Variants in RABEP1 observed in about 807,000 individuals in gnomAD.
RABEP1 encodes the protein rabaptin, RAB GTPase binding effector protein 1.
RABEP1 carries 51 observed loss-of-function variants against 123.4 expected under a neutral mutation model. The observed-to-expected ratio is 0.41, with a 90% CI of 0.33 to 0.52. The LOEUF is 0.52. RABEP1 is among the 20% of genes least tolerant of loss of function. The probability of loss-of-function intolerance (pLI) is 0.16; values close to 1 mark genes in which losing one functional copy is unlikely to be tolerated. For missense variants in RABEP1, 888 were observed against 996.3 expected, an observed-to-expected ratio of 0.89 and a Z score of 1.46; for synonymous variants, 347 against 355.2, an observed-to-expected ratio of 0.98 and a Z score of 0.26.
chr17:5,376,798 G>C lies in RABEP1; in HGVS notation c.2026-318G>C, dbSNP rs3026100. Among the ~76,000 whole-genome samples the C allele has an allele frequency of 9.8e-3, 1,494 of 152,280 alleles. 22 individuals carry two copies. Among genetic ancestry groups the C allele is most frequent in the African/African-American group, 0.034 (1,411 of 41,532 alleles). On this transcript the variant is annotated intron_variant, in intron 13 of 17. Transcript: ENST00000537505. ...TCCCAAATTTCTGCAAGTAATAGTA[G>C]AGGATTCTAAGGTATTATTTCTATT...
intron 2 of RABEP1, among the ~76,000 whole-genome samples, chr17:5,327,479 T>TAATC (rs1386990365): frequency 6.6e-6 from 1 of 152,172 alleles, no homozygotes; most frequent in Admixed American, 6.5e-5. Context: ...TCAGCCCCTA[T>TAATC]AATCTCATGT....
chr17:5,307,423 C>G (rs911756817), intron 1 of RABEP1, among the ~76,000 whole-genome samples: 1 of 152,152 alleles, frequency 6.6e-6, no homozygotes, highest in African/African-American at 2.4e-5. Flanking sequence ...AATCAGCTCT[C>G]AATTAAATTG....
chr17:5,309,359 G>C (rs1015867774), intron 2 of RABEP1, among the ~76,000 whole-genome samples: 3 of 152,064 alleles, frequency 2.0e-5, no homozygotes, highest in Non-Finnish European at 4.4e-5. Context: ...GTTAAAACAG[G>C]AAATTGCAGG....
chr17:5,350,177 G>A (rs1478908681), intron 6 of RABEP1, among the ~76,000 whole-genome samples: 1 of 152,052 alleles, frequency 6.6e-6, no homozygotes, highest in African/African-American at 2.4e-5. Context: ...TCAGGAGATC[G>A]AGACCATCCT....
At chr17:5,367,958 T>C (rs1183812941) in intron 11 of RABEP1, among the ~76,000 whole-genome samples, 1 of 150,810 alleles carries the variant, frequency 6.6e-6, no homozygotes, top group African/African-American at 2.4e-5. Flanking sequence ...GGTTTTACCA[T>C]GCAGGCCAGG....
chr17:5,316,449 C>CA (rs386385498), intron 2 of RABEP1, among the ~76,000 whole-genome samples: 3,520 of 28,536 alleles, frequency 0.12, 1,476 homozygotes, highest in South Asian at 0.46. Flanking sequence ...GACTCTGTCT[C>CA]AAAAAAAAAA....
intron 8 of RABEP1, among the ~76,000 whole-genome samples, chr17:5,359,001 A>G (rs569967184): frequency 7.9e-5 from 12 of 151,656 alleles, no homozygotes; most frequent in African/African-American, 1.9e-4. Flanking sequence ...GGCTCAACCT[A>G]TCCTCCCACC....
intron 2 of RABEP1, among the ~76,000 whole-genome samples, chr17:5,310,437 A>C (rs2075227175): frequency 6.7e-6 from 1 of 149,870 alleles, no homozygotes; most frequent in African/African-American, 2.5e-5. Flanking sequence ...GCCCTGCCCC[A>C]GCCTCCCGAG....
chr17:5,307,579 G>C (rs894864476), intron 1 of RABEP1, among the ~76,000 whole-genome samples: 2 of 152,114 alleles, frequency 1.3e-5, no homozygotes, highest in African/African-American at 4.8e-5. Context: ...AGTACTAACC[G>C]ATATCCCCTA....
chr17:5,368,673 A>T (rs1347701835), intron 12 of RABEP1, among the ~76,000 whole-genome samples: 1 of 152,142 alleles, frequency 6.6e-6, no homozygotes, highest in Non-Finnish European at 1.5e-5. Context: ...CCAAACAAAA[A>T]TTTTTTCTCA....
intron 6 of RABEP1, among the ~76,000 whole-genome samples, chr17:5,350,197 G>A (rs1908405844): frequency 6.6e-6 from 1 of 152,110 alleles, no homozygotes; most frequent in African/African-American, 2.4e-5. Flanking sequence ...TGGCTAACAT[G>A]GTGAAACCCC....
intron 17 of RABEP1, 35 bp downstream of exon 17, chr17:5,381,540 A>G (rs1394288394): frequency 1.3e-6 from 2 of 1,598,970 alleles, no homozygotes; most frequent in Non-Finnish European, 1.7e-6. Flanking sequence ...CAGAGCACGA[A>G]GGCAGTTTTG....
intron 2 of RABEP1, among the ~76,000 whole-genome samples, chr17:5,312,627 T>C (rs1392390836): frequency 1.3e-5 from 2 of 152,156 alleles, no homozygotes; most frequent in East Asian, 3.8e-4. Context: ...TTTTCTTTTA[T>C]AGGCTGGTAA....
intron 17 of RABEP1, 151 bp downstream of exon 17, chr17:5,381,656 C>T (rs1911469285): frequency 2.2e-6 from 3 of 1,333,764 alleles, no homozygotes; most frequent in Admixed American, 5.6e-5. Context: ...ATCATTCAAG[C>T]CAGAAACCTG....
intron 4 of RABEP1, 43 bp from the exon 5 acceptor site, chr17:5,337,976 A>G: frequency 6.4e-7 from 1 of 1,558,320 alleles, no homozygotes. Context: ...TTAGAAAAGC[A>G]GTAAATGAAT....
intron 13 of RABEP1, among the ~76,000 whole-genome samples, chr17:5,375,596 T>C (rs540937868): frequency 1.3e-5 from 2 of 152,114 alleles, no homozygotes; most frequent in South Asian, 2.1e-4. Context: ...CTACAACTAC[T>C]TGGGAGGCTG....
chr17:5,365,026 T>C lies in RABEP1; in HGVS notation c.1669-96T>C, dbSNP rs569787845. On this transcript the variant is annotated intron_variant, in intron 10 of 17. Transcript: ENST00000537505. ...CTGTGGTGTTTCCCAGAAAAAGACA[T>C]AAGAGATTTTTTTTTAAAATTCTGG... is the stretch of plus-strand genomic sequence containing the variant. 2.0e-4 allele frequency: 149 copies of C among 743,556 alleles called. 2 individuals are homozygous for C. The East Asian group carries it at 4.3e-3, about 22-fold the overall frequency. 46.1% of individuals were successfully genotyped at this position (743,556 alleles called of 1,614,324 possible).
intron 3 of RABEP1, among the ~76,000 whole-genome samples, chr17:5,333,141 C>T (rs1906725238): frequency 6.6e-6 from 1 of 151,946 alleles, no homozygotes; most frequent in African/African-American, 2.4e-5. Flanking sequence ...TCTTTGAGTT[C>T]CTGGAATTAG....
At chr17:5,340,638 T>TTA (rs1481813462) in intron 5 of RABEP1, among the ~76,000 whole-genome samples, 1 of 103,138 alleles carries the variant, frequency 9.7e-6, no homozygotes, top group Non-Finnish European at 1.8e-5. Flanking sequence ...TGCCAGATCT[T>TTA]TAAAAAAAAA....
Sources: allele counts gnomAD v4.1 joint callset (sites outside exome capture counted in the v4.1 genomes callset), GRCh38; gene constraint gnomAD v4.1.1; transcripts MANE v1.5; gene names NCBI Gene and HGNC (gene_info 2026-07-23, HGNC 2026-07-21).